PTPRG: variants seen among roughly 807,000 people sequenced by gnomAD.
PTPRG encodes protein tyrosine phosphatase receptor type G, also known as receptor-type tyrosine-protein phosphatase gamma.
A neutral mutation model predicts 165.3 loss-of-function variants in PTPRG; 102 were observed. The observed-to-expected ratio is 0.62, with a 90% CI of 0.53 to 0.73. The LOEUF (loss-of-function observed/expected upper bound fraction) is 0.73, where lower values mean the gene tolerates loss of function less well. PTPRG is among the 30% of genes least tolerant of loss of function. The pLI is 0.00. For missense variants in PTPRG, 1,866 were observed against 1,861.4 expected (o/e 1.00, Z -0.05); for synonymous variants, 675 against 669.5 (o/e 1.01, Z -0.13).
At chr3:62,212,751 G>A (rs2106868046) in intron 12 of PTPRG, among the ~76,000 whole-genome samples, 1 of 152,298 alleles carries the variant, frequency 6.6e-6, no homozygotes, top group Middle Eastern at 3.4e-3. Flanking sequence ...GTGCCACGTG[G>A]GAATTCAGGC....
intron 1 of PTPRG, among the ~76,000 whole-genome samples, chr3:61,617,375 G>A (rs1270850980): frequency 6.6e-6 from 1 of 152,182 alleles, no homozygotes; most frequent in African/African-American, 2.4e-5. Context: ...AAAATAGTCA[G>A]GGACTTGTTC....
intron 2 of PTPRG, among the ~76,000 whole-genome samples, chr3:61,852,735 G>A (rs1107043): frequency 0.12 from 18,211 of 152,132 alleles, 1,658 homozygotes; most frequent in East Asian, 0.48. Context: ...GTTCACGGTG[G>A]CTATGGAGAT....
At chr3:61,711,893 CTTTTTTTTT>C (rs34377397) in intron 1 of PTPRG, among the ~76,000 whole-genome samples, 2 of 136,036 alleles carry the variant, frequency 1.5e-5, no homozygotes, top group African/African-American at 2.7e-5. Flanking sequence ...TTATTATAGT[CTTTTTTTTT>C]TTTTTTTTGA....
chr3:62,074,352 CTT>C lies in PTPRG; in HGVS notation c.520-3791_520-3790del, dbSNP rs200189646. Among the ~76,000 whole-genome samples, 628 of 109,066 alleles carry C rather than the reference CTT, an allele frequency of 5.8e-3. 2 individuals carry two copies. Among genetic ancestry groups the C allele is most frequent in the Middle Eastern group, 0.011 (2 of 190 alleles). The allele number at this position is 109,066 out of a possible 152,430, so 71.6% of individuals were successfully genotyped here. A position where few individuals can be genotyped will look rare whatever the true frequency, so the allele number is the denominator to read the frequency against. The stretch of plus-strand genomic sequence containing the variant: ...TTTTTTCCTTTCTTTTCTTTTCTTT[CTT>C]TTTTTTTTTTTTTTTTTTTGAGACA... On this transcript the variant is annotated intron_variant, in intron 4 of 29. Coordinates refer to ENST00000474889, the MANE Select transcript of PTPRG (RefSeq NM_002841.4).
chr3:62,036,511 A>C (rs1450207922), intron 4 of PTPRG, among the ~76,000 whole-genome samples: 2 of 152,164 alleles, frequency 1.3e-5, no homozygotes, highest in African/African-American at 4.8e-5. Context: ...TTTGTGTGTG[A>C]TGCTTATGGT....
rs181792040 is a variant in PTPRG at position 61,925,114 on chromosome 3, C to T, written c.191-64511C>T. On this transcript the variant is annotated intron_variant, in intron 2 of 29. Transcript: ENST00000474889. ...AGCCACCTAGTTTGTGGTATTTTGT[C>T]ATAGCGGCTCAAGGTGACTTAAGAC... Among the ~76,000 whole-genome samples, 3 of 152,314 alleles carry T rather than the reference C, an allele frequency of 2.0e-5. No homozygotes were observed. The East Asian group carries it at 5.8e-4, about 29-fold the overall frequency.
intron 2 of PTPRG, among the ~76,000 whole-genome samples, chr3:61,872,559 G>T (rs1362248785): frequency 1.3e-5 from 2 of 152,108 alleles, no homozygotes; most frequent in Admixed American, 6.5e-5. Context: ...GAGATAGGTA[G>T]TGCTTGTGTT....
At chr3:62,281,041 A>T (rs911701607) in intron 26 of PTPRG, among the ~76,000 whole-genome samples, 2 of 152,066 alleles carry the variant, frequency 1.3e-5, no homozygotes, top group Non-Finnish European at 2.9e-5. Context: ...GATGATGGGT[A>T]TGTTAATTTG....
chr3:61,965,072 G>T (rs1365553146), intron 2 of PTPRG, among the ~76,000 whole-genome samples: 1 of 151,964 alleles, frequency 6.6e-6, no homozygotes, highest in East Asian at 1.9e-4. Flanking sequence ...GTGAAACCCT[G>T]TTTCTACTAA....
At chr3:61,908,915 GC>G (rs1392806597) in intron 2 of PTPRG, among the ~76,000 whole-genome samples, 1 of 152,148 alleles carries the variant, frequency 6.6e-6, no homozygotes, top group Non-Finnish European at 1.5e-5. Context: ...CTGAAATACT[GC>G]CCCCCATTCC....
At chr3:61,574,921 T>G (rs1411425552) in intron 1 of PTPRG, among the ~76,000 whole-genome samples, 4 of 152,116 alleles carry the variant, frequency 2.6e-5, no homozygotes, top group African/African-American at 9.7e-5. Context: ...CTTGCCAGAA[T>G]GAGAACTCAG....
In PTPRG at chr3:62,273,794, A is replaced by G. The variant is rs1454066103; in HGVS notation, c.3415A>G (p.Ile1139Val). The change falls in exon 23 of 30, where the codon ATC becomes GTC. Residue 1139 changes from isoleucine (I) to valine (V), a missense_variant. Physicochemically the swap from Ile to Val is conservative, Grantham distance 29 (BLOSUM62 3). This residue lies in a region of PTPRG where 1,452 missense variants were observed against 1,463.0 expected (regional missense o/e 0.99). Coordinates refer to ENST00000474889, the MANE Select transcript of PTPRG (RefSeq NM_002841.4). This position sits in a 1 kb window ranked among gnomAD's most constrained non-coding sequence, Gnocchi z 4.1. ...TCAGCTGCACAGCTATGTTAACAGC[A>G]TCCTTATACCAGGAGTAGGAGGAAA... The part of the protein sequence containing the change: ...SNQLHSYVNS[I>V]LIPGVGGKTR... 1.9e-6 allele frequency: 3 copies of G among 1,613,808 alleles called. No homozygotes were observed. In the South Asian group the frequency reaches 3.3e-5, roughly 18 times the overall value.
chr3:61,842,684 CAAA>C (rs199500194), intron 2 of PTPRG, among the ~76,000 whole-genome samples: 16,453 of 121,390 alleles, frequency 0.14, 1,271 homozygotes, highest in East Asian at 0.51. Flanking sequence ...GTATGTGTGG[CAAA>C]AAAAAAAAAA....
intron 2 of PTPRG, among the ~76,000 whole-genome samples, chr3:61,928,105 G>T (rs758275389): frequency 2.6e-5 from 4 of 152,156 alleles, no homozygotes; most frequent in Non-Finnish European, 5.9e-5. Flanking sequence ...GCTATAAGGG[G>T]TATGAGGCCG....
At chr3:61,626,526 C>G (rs551239420) in intron 1 of PTPRG, among the ~76,000 whole-genome samples, 82 of 152,306 alleles carry the variant, frequency 5.4e-4, no homozygotes, top group Non-Finnish European at 4.4e-4. Flanking sequence ...CCCACGTACA[C>G]CAAGGAATTG....
At chr3:61,833,620 T>G (rs749293111) in intron 2 of PTPRG, among the ~76,000 whole-genome samples, 1 of 152,102 alleles carries the variant, frequency 6.6e-6, no homozygotes, top group Admixed American at 6.6e-5. Context: ...TGGAGTGCAG[T>G]GGTGTGATCT....
intron 15 of PTPRG, among the ~76,000 whole-genome samples, chr3:62,248,429 AAC>A (rs1701339461): frequency 6.6e-6 from 1 of 152,216 alleles, no homozygotes; most frequent in Non-Finnish European, 1.5e-5. Flanking sequence ...TGAATGCAGT[AAC>A]ACAGCTGTCA....
intron 2 of PTPRG, among the ~76,000 whole-genome samples, chr3:61,949,557 G>A (rs77872020): frequency 0.016 from 2,427 of 152,158 alleles, 38 homozygotes; most frequent in Middle Eastern, 0.037. Context: ...TCACCTGCCT[G>A]GAAAACAGTA....
intron 2 of PTPRG, among the ~76,000 whole-genome samples, chr3:61,950,090 A>G (rs2039864046): frequency 6.6e-6 from 1 of 152,160 alleles, no homozygotes; most frequent in Admixed American, 6.5e-5. Flanking sequence ...CCTCCTCCAG[A>G]AAAATCCCTG....
Sources: allele counts gnomAD v4.1 joint callset (sites outside exome capture counted in the v4.1 genomes callset), GRCh38; gene constraint gnomAD v4.1.1; regional missense constraint gnomAD v4.1.1; non-coding constraint Gnocchi (gnomAD v3.1); transcripts MANE v1.5; gene names NCBI Gene and HGNC (gene_info 2026-07-23, HGNC 2026-07-21).